The following RUNDC3B variants were observed in gnomAD, a reference collection of about 807,000 sequenced individuals.
RUNDC3B encodes RUN domain-containing protein 3B.
Under a neutral mutation model 58.4 loss-of-function variants are expected in RUNDC3B, and 33 were observed. That is an observed-to-expected ratio of 0.56 (90% CI 0.43 to 0.75). The LOEUF (loss-of-function observed/expected upper bound fraction) is 0.75. Among genes scored for constraint, RUNDC3B ranks in the 30% least tolerant of loss-of-function variants. The probability of loss-of-function intolerance (pLI) is 0.00; values close to 1 mark genes in which losing one functional copy is unlikely to be tolerated. For synonymous variants in RUNDC3B, 193 were observed against 195.2 expected (o/e 0.99, Z 0.10); for missense variants, 501 against 535.7 (o/e 0.94, Z 0.64).
intron 4 of RUNDC3B, among the ~76,000 whole-genome samples, chr7:87,725,810 G>A (rs1383941640): frequency 1.3e-5 from 2 of 152,182 alleles, no homozygotes; most frequent in African/African-American, 2.4e-5. Context: ...GTACCTCACT[G>A]TGGTTTTGAT....
chr7:87,775,426 A>G (rs1305642215), intron 7 of RUNDC3B, among the ~76,000 whole-genome samples: 1 of 152,262 alleles, frequency 6.6e-6, no homozygotes, highest in Non-Finnish European at 1.5e-5. Context: ...AAGAGTCAAA[A>G]AGATTTTTAA....
intron 4 of RUNDC3B, among the ~76,000 whole-genome samples, chr7:87,713,917 A>T (rs986183550): frequency 1.1e-4 from 17 of 152,338 alleles, no homozygotes; most frequent in African/African-American, 3.8e-4. Context: ...TTGCAATTAT[A>T]TCAGTATTTA....
chr7:87,807,500 C>G lies in RUNDC3B; in HGVS notation c.1084C>G (p.His362Asp), dbSNP rs150419056. 19 of 1,613,204 alleles carry G rather than the reference C, an allele frequency of 1.2e-5. No homozygotes were observed. The African/African-American group carries it at 2.1e-4, about 18-fold the overall frequency. Reference sequence around the variant, plus strand: ...CTTGGATACGTTGCTTTACCGAAAACACAATAAACAGTGGTATGAGTAAGT... The same window carrying G: ...CTTGGATACGTTGCTTTACCGAAAAGACAATAAACAGTGGTATGAGTAAGT... ...VALDTLLYRKHNKQWYEKSYQ... is the reference protein window; with the variant it reads ...VALDTLLYRKDNKQWYEKSYQ... The change falls in exon 9 of 11, where the codon CAC becomes GAC. Residue 362 changes from histidine (H) to aspartate (D), a missense_variant. Physicochemically the swap from His to Asp is moderately conservative, Grantham distance 81. Transcript: ENST00000394654.
intron 1 of RUNDC3B, chr7:87,629,425 A>G (rs894146031): frequency 6.5e-6 from 1 of 152,694 alleles, no homozygotes; most frequent in Non-Finnish European, 1.5e-5. Flanking sequence ...TGCCTACTAC[A>G]TGCCAGCCAT....
intron 1 of RUNDC3B, among the ~76,000 whole-genome samples, chr7:87,629,934 AAG>A (rs1821035318): frequency 6.6e-6 from 1 of 151,978 alleles, no homozygotes; most frequent in African/African-American, 2.4e-5. Context: ...AAAAAAAAAA[AAG>A]AACTATTTAT....
chr7:87,720,002 A>AAAAAAG (rs1830776059), intron 4 of RUNDC3B, among the ~76,000 whole-genome samples: 1 of 150,014 alleles, frequency 6.7e-6, no homozygotes. Context: ...AAAAAAAAAA[A>AAAAAAG]AAAAGAGAAA....
At chr7:87,640,984 AT>A (rs1331336521) in intron 1 of RUNDC3B, among the ~76,000 whole-genome samples, 2 of 152,184 alleles carry the variant, frequency 1.3e-5, no homozygotes, top group South Asian at 2.1e-4. Flanking sequence ...TAAAGTTCTT[AT>A]TAATTTAGAA....
At chr7:87,698,987 A>G (rs1828761658) in intron 2 of RUNDC3B, among the ~76,000 whole-genome samples, 1 of 152,202 alleles carries the variant, frequency 6.6e-6, no homozygotes, top group African/African-American at 2.4e-5. Flanking sequence ...TTAAAAATTC[A>G]AATGCTTACA....
chr7:87,750,644 T>C (rs932846095), intron 6 of RUNDC3B, among the ~76,000 whole-genome samples: 2 of 151,528 alleles, frequency 1.3e-5, no homozygotes, highest in African/African-American at 4.8e-5. Context: ...GGTGAGCATT[T>C]TTTCATGTGT....
At chr7:87,670,916 C>T (rs1825764522) in intron 2 of RUNDC3B, among the ~76,000 whole-genome samples, 1 of 152,150 alleles carries the variant, frequency 6.6e-6, no homozygotes, top group African/African-American at 2.4e-5. Context: ...TGAATGCTGG[C>T]TGTAGATTGT....
chr7:87,716,341 A>G (rs903850022), intron 4 of RUNDC3B, among the ~76,000 whole-genome samples: 2 of 152,214 alleles, frequency 1.3e-5, no homozygotes, highest in Non-Finnish European at 2.9e-5. Context: ...TTTTTCCCTG[A>G]AGATTTCCTG....
chr7:87,752,175 A>G (rs1833046150), intron 6 of RUNDC3B, among the ~76,000 whole-genome samples: 1 of 152,188 alleles, frequency 6.6e-6, no homozygotes, highest in South Asian at 2.1e-4. Flanking sequence ...GCTGGATTAC[A>G]TTTATTGATT....
chr7:87,729,764 C>T (rs550313158), intron 4 of RUNDC3B, among the ~76,000 whole-genome samples: 1 of 152,322 alleles, frequency 6.6e-6, no homozygotes, highest in South Asian at 2.1e-4. Context: ...AGAGTGCTTG[C>T]ATCATCGCTG....
intron 8 of RUNDC3B, 144 bp from the exon 9 acceptor site, chr7:87,807,229 C>A: frequency 1.6e-6 from 1 of 636,112 alleles, no homozygotes. Flanking sequence ...ATTGTCCCAA[C>A]CATCCTTGCT....
intron 3 of RUNDC3B, among the ~76,000 whole-genome samples, chr7:87,702,926 C>A (rs763174429): frequency 2.8e-4 from 43 of 152,170 alleles, no homozygotes; most frequent in Middle Eastern, 3.4e-3. Context: ...TTGAGTATAC[C>A]TAACTAACTC....
intron 2 of RUNDC3B, chr7:87,659,108 C>T (rs556791450): frequency 1.2e-4 from 36 of 296,022 alleles, no homozygotes; most frequent in African/African-American, 4.8e-4. Context: ...GAGCTGTGAT[C>T]GTGCCATCAT....
At chr7:87,733,045 A>G (rs1202193881) in intron 4 of RUNDC3B, among the ~76,000 whole-genome samples, 2 of 152,230 alleles carry the variant, frequency 1.3e-5, no homozygotes, top group Non-Finnish European at 2.9e-5. Flanking sequence ...ATTCTCAGAA[A>G]GGAGTATGCC....
chr7:87,749,221 T>C (rs1368244327), intron 6 of RUNDC3B, among the ~76,000 whole-genome samples: 1 of 152,224 alleles, frequency 6.6e-6, no homozygotes, highest in Admixed American at 6.5e-5. Flanking sequence ...CTAATTTTCC[T>C]CTCCTACTTA....
At chr7:87,755,238 G>A (rs973789233) in intron 6 of RUNDC3B, among the ~76,000 whole-genome samples, 4 of 152,068 alleles carry the variant, frequency 2.6e-5, no homozygotes, top group Non-Finnish European at 5.9e-5. Context: ...GGCCAGGCTG[G>A]TCTCAAACTC....
Sources: allele counts gnomAD v4.1 joint callset (sites outside exome capture counted in the v4.1 genomes callset), GRCh38; gene constraint gnomAD v4.1.1; transcripts MANE v1.5; gene names NCBI Gene and HGNC (gene_info 2026-07-23, HGNC 2026-07-21).